The following CNTN6 variants were observed in gnomAD, a reference collection of about 807,000 sequenced individuals.
The protein encoded by CNTN6 is contactin-6.
A neutral mutation model predicts 122.8 loss-of-function variants in CNTN6; 137 were observed. The ratio of observed to expected loss-of-function variants is 1.12; its 90% CI spans 0.97 to 1.29. The LOEUF is 1.29. Among genes scored for constraint, CNTN6 ranks in the 50% most tolerant of loss-of-function variants. CNTN6 has a pLI of 0.00. For missense variants in CNTN6, 1,634 were observed against 1,223.4 expected, an observed-to-expected ratio of 1.34 and a Z score of -5.01; for synonymous variants, 570 against 426.0, an observed-to-expected ratio of 1.34 and a Z score of -4.16.
chr3:1,138,931 C>T lies in CNTN6; in HGVS notation c.-82-8996C>T, dbSNP rs1037547707. ...TCCGATTTCTGCTATCTGATATACT[C>T]ACTATCTCTTCTAGCTTTCTGTGAT... is the stretch of plus-strand genomic sequence containing the variant. On this transcript the variant is annotated intron_variant, in intron 1 of 22. Transcript: ENST00000446702. Among the ~76,000 whole-genome samples the T allele has an allele frequency of 3.9e-5, 6 of 152,060 alleles. No homozygotes were observed. In the South Asian group the frequency reaches 6.2e-4, roughly 16 times the overall value.
chr3:1,200,965 C>T lies in CNTN6; in HGVS notation c.56-19722C>T, dbSNP rs1159392863. ...TTTTTTTCCCAAGGTCTGATTTTAT[C>T]GCCCAGGCTGGAGTACTGTGACACA... On this transcript the variant is annotated intron_variant, in intron 2 of 22. Coordinates refer to ENST00000446702, the MANE Select transcript of CNTN6 (RefSeq NM_001289080.2). Among the ~76,000 whole-genome samples, 7 of 137,872 alleles carry T rather than the reference C, an allele frequency of 5.1e-5. No individual in the cohort carries two copies. The East Asian group carries it at 8.4e-4, about 17-fold the overall frequency. The allele number at this position is 137,872 out of a possible 152,430, so 90.4% of individuals were successfully genotyped here. A position where few individuals can be genotyped will look rare whatever the true frequency, so the allele number is the denominator to read the frequency against.
At chr3:1,402,761 T>A in intron 22 of CNTN6, 1 of 292,678 alleles carries the variant, frequency 3.4e-6, no homozygotes. Flanking sequence ...ACTCATTCTA[T>A]TATCACAAAA....
chr3:1,172,920 G>C (rs2093384585), intron 2 of CNTN6, among the ~76,000 whole-genome samples: 1 of 152,176 alleles, frequency 6.6e-6, no homozygotes, highest in Non-Finnish European at 1.5e-5. Flanking sequence ...TCAGAGGCAG[G>C]AATCTCTGCC....
At chr3:1,200,523 G>A (rs1183307558) in intron 2 of CNTN6, among the ~76,000 whole-genome samples, 1 of 152,186 alleles carries the variant, frequency 6.6e-6, no homozygotes, top group Non-Finnish European at 1.5e-5. Flanking sequence ...GGGTCTGGCA[G>A]GCAAATAAAG....
At chr3:1,111,913 C>G (rs1214442696) in intron 1 of CNTN6, among the ~76,000 whole-genome samples, 4 of 152,110 alleles carry the variant, frequency 2.6e-5, no homozygotes, top group African/African-American at 7.2e-5. Context: ...TATTTTTCCT[C>G]TAATATATAC....
chr3:1,369,370 A>T (rs1708665819), intron 12 of CNTN6, among the ~76,000 whole-genome samples: 1 of 135,516 alleles, frequency 7.4e-6, no homozygotes, highest in East Asian at 2.2e-4. Context: ...TATCTTTTTG[A>T]CTTGCTGCGG....
intron 5 of CNTN6, among the ~76,000 whole-genome samples, chr3:1,289,312 A>T (rs1225091965): frequency 6.6e-6 from 1 of 152,182 alleles, no homozygotes; most frequent in East Asian, 1.9e-4. Flanking sequence ...CATGGGGAGA[A>T]GGGAGCAGGG....
At chr3:1,320,308 T>C (rs1412738324) in intron 7 of CNTN6, among the ~76,000 whole-genome samples, 1 of 151,780 alleles carries the variant, frequency 6.6e-6, no homozygotes, top group African/African-American at 2.4e-5. Context: ...TGAGTGCATA[T>C]GATTTTTATC....
intron 2 of CNTN6, among the ~76,000 whole-genome samples, chr3:1,214,044 G>A (rs532022293): frequency 6.6e-6 from 1 of 151,500 alleles, no homozygotes; most frequent in South Asian, 2.1e-4. Context: ...TTATCTTATC[G>A]AGGTTGTAGC....
In CNTN6 at chr3:1,215,211, A is replaced by G. The variant is rs374881286; in HGVS notation, c.56-5476A>G. Among the ~76,000 whole-genome samples the G allele has an allele frequency of 1.1e-3, 165 of 152,342 alleles. 1 individual carries two copies. The highest frequency in any genetic ancestry group is 0.01 in the Middle Eastern group (3 of 294). On this transcript the variant is annotated intron_variant, in intron 2 of 22. Transcript: ENST00000446702. The stretch of plus-strand genomic sequence containing the variant: ...TCTGGAACATGTTCTTTCCATTTAT[A>G]GTAACTTTTCTTAATGGTATTTACT...
chr3:1,322,850 G>A (rs545224293), intron 8 of CNTN6, among the ~76,000 whole-genome samples: 13 of 151,622 alleles, frequency 8.6e-5, no homozygotes, highest in Admixed American at 2.6e-4. Context: ...TTCTCCTACA[G>A]TTTTAGCAAA....
chr3:1,376,931 T>C, intron 16 of CNTN6, 74 bp from the exon 17 acceptor site: 1 of 1,048,710 alleles, frequency 9.5e-7, no homozygotes, highest in Non-Finnish European at 1.4e-6. Context: ...AAAGTGAAAT[T>C]CAAAAACAAA....
chr3:1,212,662 A>AAT (rs1319647737), intron 2 of CNTN6, among the ~76,000 whole-genome samples: 1 of 151,880 alleles, frequency 6.6e-6, no homozygotes, highest in Non-Finnish European at 1.5e-5. Context: ...TACATTCTTA[A>AAT]AGCACAAGTA....
At chr3:1,255,934 C>G (rs1211865382) in intron 4 of CNTN6, among the ~76,000 whole-genome samples, 2 of 151,998 alleles carry the variant, frequency 1.3e-5, no homozygotes, top group Non-Finnish European at 2.9e-5. Flanking sequence ...GTGGAGAGAT[C>G]AAGACTAACC....
Position 1,141,527 on chromosome 3 carries a change from T to C in CNTN6, c.-82-6400T>C, listed in dbSNP as rs535040324. On this transcript the variant is annotated intron_variant, in intron 1 of 22. Transcript: ENST00000446702. ...CTACTGCCCTGTACTTGAACAGCAA[T>C]AACCAAAGCCTTTTAGTAGTAGTTT... 1.2e-4 allele frequency among the ~76,000 whole-genome samples: 18 copies of C among 152,280 alleles called. No homozygotes were observed. In the South Asian group the frequency reaches 1.9e-3, roughly 16 times the overall value.
At chr3:1,386,261 G>GT (rs200389581) in intron 20 of CNTN6, among the ~76,000 whole-genome samples, 1 of 152,128 alleles carries the variant, frequency 6.6e-6, no homozygotes, top group Non-Finnish European at 1.5e-5. Context: ...TCAGTAAATG[G>GT]TTTTTTTGTT....
At chr3:1,098,789 C>CACACATATATATATATAT (rs1211008614) in intron 1 of CNTN6, among the ~76,000 whole-genome samples, 25 of 63,246 alleles carry the variant, frequency 4.0e-4, no homozygotes, top group East Asian at 6.5e-4. Context: ...CACACACACA[C>CACACATATATATATATAT]ATATATATAT....
chr3:1,371,289 GGAGAAATA>G (rs1258439156), intron 12 of CNTN6, among the ~76,000 whole-genome samples: 3 of 151,770 alleles, frequency 2.0e-5, no homozygotes, highest in Non-Finnish European at 4.4e-5. Context: ...AATTACCCAT[GGAGAAATA>G]GATTCTCCAT....
chr3:1,280,949 C>T (rs1246641784), intron 5 of CNTN6, among the ~76,000 whole-genome samples: 8 of 152,126 alleles, frequency 5.3e-5, no homozygotes, highest in Non-Finnish European at 1.2e-4. Flanking sequence ...AAGCCAGGAA[C>T]AGAGAATCTG....
Sources: gnomAD v4.1 joint callset for allele counts (sites outside exome capture counted in the v4.1 genomes callset) on GRCh38, gnomAD v4.1.1 for gene constraint, MANE v1.5 for transcripts, NCBI Gene and HGNC (gene_info 2026-07-23, HGNC 2026-07-21) for gene names.